The following LARGE1 variants were observed in gnomAD, a reference collection of about 807,000 sequenced individuals.
LARGE1 encodes xylosyl- and glucuronyltransferase LARGE1.
A neutral mutation model predicts 87.6 loss-of-function variants in LARGE1; 43 were observed. The observed-to-expected ratio is 0.49, with a 90% CI of 0.38 to 0.63. LARGE1 has a LOEUF of 0.63. Ranked by LOEUF, LARGE1 falls within the 30% of genes least tolerant of loss-of-function variation. The pLI, the probability that LARGE1 is intolerant of heterozygous loss-of-function variation, is 0.00. For synonymous variants in LARGE1, 434 were observed against 394.6 expected, an observed-to-expected ratio of 1.10 and a Z score of -1.18; for missense variants, 802 against 1,000.2, an observed-to-expected ratio of 0.80 and a Z score of 2.67.
chr22:33,291,063 C>T (rs1159318707), intron 12 of LARGE1, among the ~76,000 whole-genome samples: 1 of 151,992 alleles, frequency 6.6e-6, no homozygotes, highest in Admixed American at 6.6e-5. Context: ...AAGTTCCCTT[C>T]CTCACCTCTG....
intron 3 of LARGE1, among the ~76,000 whole-genome samples, chr22:33,648,599 T>G (rs1446861313): frequency 6.6e-6 from 1 of 152,140 alleles, no homozygotes; most frequent in Non-Finnish European, 1.5e-5. Flanking sequence ...GATCCCTAAA[T>G]TAGGGCCCTC....
chr22:33,456,688 T>C (rs2068145800), intron 6 of LARGE1, among the ~76,000 whole-genome samples: 1 of 152,202 alleles, frequency 6.6e-6, no homozygotes, highest in Non-Finnish European at 1.5e-5. Context: ...AATTTTTCAG[T>C]GACAGTGACC....
chr22:33,499,245 C>T (rs542755355), intron 6 of LARGE1, among the ~76,000 whole-genome samples: 4 of 152,312 alleles, frequency 2.6e-5, no homozygotes, highest in South Asian at 2.1e-4. Flanking sequence ...TGCCTATAGT[C>T]GGCTAGTGCT....
intron 2 of LARGE1, among the ~76,000 whole-genome samples, chr22:33,652,149 C>G (rs2080837791): frequency 2.0e-5 from 3 of 152,066 alleles, no homozygotes; most frequent in Admixed American, 2.0e-4. Flanking sequence ...GCATTCCAGC[C>G]TGGCGACAGA....
At chr22:33,390,198 G>A (rs187657723) in intron 7 of LARGE1, among the ~76,000 whole-genome samples, 133 of 152,216 alleles carry the variant, frequency 8.7e-4, no homozygotes, top group African/African-American at 3.1e-3. Flanking sequence ...TCTGTACCCC[G>A]ATTCAACCAA....
rs147607717 is a variant in LARGE1 at position 33,179,911 on chromosome 22, C to T, written c.1731-13079G>A. Among the ~76,000 whole-genome samples, 107 of 151,794 alleles carry T rather than the reference C, an allele frequency of 7.0e-4. No homozygotes were observed. The East Asian group carries it at 0.018, about 26-fold the overall frequency. Reference sequence around the variant, plus strand: ...ACTGTGACAGTATTAAGAGGTGGGGCCTTTAAGAAGTGATTAGGTCATGAG... The same window carrying T: ...ACTGTGACAGTATTAAGAGGTGGGGTCTTTAAGAAGTGATTAGGTCATGAG... On this transcript the variant is annotated intron_variant, in intron 11 of 11. Coordinates refer to the LARGE1 transcript ENST00000608642.
At chr22:33,111,243 C>G in the LARGE1 span, among the ~76,000 whole-genome samples, 3 of 152,068 alleles carry the variant, frequency 2.0e-5, no homozygotes, top group East Asian at 5.8e-4. Context: ...TTTCTGGAAC[C>G]TTGGTTTCTC....
At chr22:33,435,198 C>T (rs1175064023) in intron 6 of LARGE1, among the ~76,000 whole-genome samples, 1 of 152,104 alleles carries the variant, frequency 6.6e-6, no homozygotes, top group Non-Finnish European at 1.5e-5. Context: ...GACAGGGTTT[C>T]GCCATGTTGA....
At chr22:33,365,281 A>G (rs1303926989) in intron 9 of LARGE1, among the ~76,000 whole-genome samples, 1 of 151,866 alleles carries the variant, frequency 6.6e-6, no homozygotes, top group Non-Finnish European at 1.5e-5. Flanking sequence ...TTCCACTTCA[A>G]TTTTTCAATA....
At chr22:33,384,406 G>A in intron 7 of LARGE1, 102 bp from the exon 8 acceptor site, 1 of 855,460 alleles carries the variant, frequency 1.2e-6, no homozygotes, top group South Asian at 1.4e-5. Context: ...GGGGATGATT[G>A]TCTTATGCAG....
intron 6 of LARGE1, among the ~76,000 whole-genome samples, chr22:33,556,100 A>G (rs2077667880): frequency 6.6e-6 from 1 of 152,008 alleles, no homozygotes; most frequent in Non-Finnish European, 1.5e-5. Flanking sequence ...GACTCCCTCC[A>G]ACTTCCCTCA....
chr22:33,893,560 T>A (rs1249023916), intron 1 of LARGE1, among the ~76,000 whole-genome samples: 1 of 152,128 alleles, frequency 6.6e-6, no homozygotes, highest in East Asian at 1.9e-4. Flanking sequence ...AAGTGTGGAG[T>A]TATCGGAGAG....
chr22:33,583,715 G>C (rs897638580), intron 5 of LARGE1, among the ~76,000 whole-genome samples: 1 of 152,034 alleles, frequency 6.6e-6, no homozygotes, highest in Non-Finnish European at 1.5e-5. Context: ...AAGGACAGTT[G>C]GGTCCCCCCC....
intron 11 of LARGE1, among the ~76,000 whole-genome samples, chr22:33,253,259 T>G (rs1200638737): frequency 6.6e-6 from 1 of 152,228 alleles, no homozygotes; most frequent in Non-Finnish European, 1.5e-5. Flanking sequence ...AGAACAATTA[T>G]AATCATATCA....
At chr22:33,079,685 T>G in the LARGE1 span, among the ~76,000 whole-genome samples, 4 of 152,218 alleles carry the variant, frequency 2.6e-5, no homozygotes, top group African/African-American at 9.6e-5. Flanking sequence ...CCAGTTCGTT[T>G]AAGGAAACTC....
chr22:33,739,858 C>T (rs907974507), intron 2 of LARGE1, among the ~76,000 whole-genome samples: 7 of 152,052 alleles, frequency 4.6e-5, no homozygotes, highest in Non-Finnish European at 8.8e-5. Context: ...TGGAAGGAGG[C>T]GGGGGATGAG....
At chr22:33,746,636 TATATAAATGAAG>T (rs2084096485) in intron 2 of LARGE1, among the ~76,000 whole-genome samples, 1 of 152,238 alleles carries the variant, frequency 6.6e-6, no homozygotes, top group Non-Finnish European at 1.5e-5. Flanking sequence ...GGAAGTATGC[TATATAAATGAAG>T]TGCAATTCAA....
chr22:33,206,197 C>A (rs536786379), intron 11 of LARGE1, among the ~76,000 whole-genome samples: 1 of 152,068 alleles, frequency 6.6e-6, no homozygotes, highest in Admixed American at 6.5e-5. Flanking sequence ...ACCTCGTGAT[C>A]CACCTGCCTT....
chr22:33,451,395 T>C (rs2067914711), intron 6 of LARGE1, among the ~76,000 whole-genome samples: 1 of 150,946 alleles, frequency 6.6e-6, no homozygotes, highest in South Asian at 2.1e-4. Context: ...GGGGAACAGG[T>C]GATGCTTGGT....
Sources: allele counts gnomAD v4.1 joint callset (sites outside exome capture counted in the v4.1 genomes callset), GRCh38; gene constraint gnomAD v4.1.1; transcripts MANE v1.5; gene names NCBI Gene and HGNC (gene_info 2026-07-23, HGNC 2026-07-21).